CNTN4: variants seen among roughly 807,000 people sequenced by gnomAD.
CNTN4 encodes contactin 4, also known as contactin-4.
Under a neutral mutation model 122.5 loss-of-function variants are expected in CNTN4, and 77 were observed. The ratio of observed to expected loss-of-function variants is 0.63; its 90% CI spans 0.52 to 0.76. CNTN4 has a LOEUF of 0.76. Ranked by LOEUF, CNTN4 falls within the 30% of genes least tolerant of loss-of-function variation. The pLI is 0.00. For synonymous variants in CNTN4, 512 were observed against 447.0 expected, an observed-to-expected ratio of 1.15 and a Z score of -1.83; for missense variants, 1,256 against 1,259.1, an observed-to-expected ratio of 1.00 and a Z score of 0.04.
intron 6 of CNTN4, among the ~76,000 whole-genome samples, chr3:2,788,673 T>C (rs2091914721): frequency 6.6e-6 from 1 of 152,178 alleles, no homozygotes; most frequent in Non-Finnish European, 1.5e-5. Context: ...AAAAAGCATT[T>C]ATCCTCAGAG....
chr3:2,450,049 C>G (rs1437884668), intron 3 of CNTN4, among the ~76,000 whole-genome samples: 1 of 152,080 alleles, frequency 6.6e-6, no homozygotes, highest in African/African-American at 2.4e-5. Context: ...GTTAACAGTA[C>G]TGTATTGTCA....
intron 4 of CNTN4, among the ~76,000 whole-genome samples, chr3:2,653,294 A>C (rs2083447111): frequency 6.6e-6 from 1 of 152,162 alleles, no homozygotes; most frequent in African/African-American, 2.4e-5. Context: ...ATAAGTTTTA[A>C]ATTCTCTTTT....
chr3:3,020,677 C>T (rs1698214791), intron 14 of CNTN4, among the ~76,000 whole-genome samples: 1 of 152,194 alleles, frequency 6.6e-6, no homozygotes, highest in Non-Finnish European at 1.5e-5. Flanking sequence ...AAAGTTCTTC[C>T]TTCTACAGAG....
chr3:2,630,730 G>GTGTA (rs1553596987), intron 4 of CNTN4, among the ~76,000 whole-genome samples: 3 of 117,570 alleles, frequency 2.6e-5, no homozygotes, highest in South Asian at 2.6e-4. Context: ...GTGTGTGTGT[G>GTGTA]TACTATATGT....
chr3:2,716,371 A>G lies in CNTN4; in HGVS notation c.56-19844A>G, dbSNP rs138249784. Among the ~76,000 whole-genome samples the G allele has an allele frequency of 1.6e-3, 248 of 151,610 alleles. 1 individual carries two copies. The highest frequency in any genetic ancestry group is 7.1e-4 in the Non-Finnish European group (48 of 67,900). The stretch of plus-strand genomic sequence containing the variant: ...TTATTATTATGGGATTTATCTTACA[A>G]GATTGTTTTAAGGATTAAGTGAGAT... On this transcript the variant is annotated intron_variant, in intron 4 of 24. Transcript: ENST00000418658.
intron 3 of CNTN4, among the ~76,000 whole-genome samples, chr3:2,350,001 C>T (rs1219419485): frequency 6.6e-6 from 1 of 152,108 alleles, no homozygotes; most frequent in Admixed American, 6.5e-5. Context: ...TAGAGCAATC[C>T]ACCCTTGCCG....
At chr3:2,362,807 CT>C (rs927888581) in intron 3 of CNTN4, 14 of 193,988 alleles carry the variant, frequency 7.2e-5, no homozygotes, top group African/African-American at 3.3e-4. Flanking sequence ...AAAAGGGAAG[CT>C]GTGATGTTAA....
At position 2,552,507 on chromosome 3, in the gene CNTN4, A is replaced by T. The variant is rs138923927; in HGVS notation, c.-88-18909A>T. Among the ~76,000 whole-genome samples, 3 of 152,290 alleles carry T rather than the reference A, an allele frequency of 2.0e-5. No homozygotes were observed. The East Asian group carries it at 5.8e-4, about 29-fold the overall frequency. The stretch of plus-strand genomic sequence containing the variant: ...CAAAATTTAAAAACATGTGGACTCT[A>T]CCTAACCTCAGAGAGCTTGCATGCT... On this transcript the variant is annotated intron_variant, in intron 3 of 24. Transcript: ENST00000418658.
intron 2 of CNTN4, among the ~76,000 whole-genome samples, chr3:2,126,913 G>T (rs1390271817): frequency 6.6e-6 from 1 of 152,100 alleles, no homozygotes; most frequent in African/African-American, 2.4e-5. Context: ...CACAAGTGTG[G>T]CACACCTGGA....
Position 2,799,780 on chromosome 3 carries a change from C to A in CNTN4, c.359-19706C>A, listed in dbSNP as rs189525760. On this transcript the variant is annotated intron_variant, in intron 6 of 24. Coordinates refer to ENST00000418658, the MANE Select transcript of CNTN4 (RefSeq NM_175607.3). ...TGGGTACATAGTAGGTAATACTAAG[C>A]CTTTCACATAGCTCGAGTTTATTTT... Among the ~76,000 whole-genome samples, 13 of 152,134 alleles carry A rather than the reference C, an allele frequency of 8.5e-5. No individual in the cohort carries two copies. In the East Asian group the frequency reaches 2.1e-3, roughly 25 times the overall value.
At chr3:3,044,643 C>A (rs1700458046) in intron 23 of CNTN4, among the ~76,000 whole-genome samples, 1 of 152,194 alleles carries the variant, frequency 6.6e-6, no homozygotes, top group South Asian at 2.1e-4. Flanking sequence ...TCCAAGATGG[C>A]CAAATAGGAA....
At chr3:2,691,478 T>C (rs1576469235) in intron 4 of CNTN4, among the ~76,000 whole-genome samples, 2 of 152,122 alleles carry the variant, frequency 1.3e-5, no homozygotes, top group South Asian at 2.1e-4. Flanking sequence ...AGGAAGTCTG[T>C]TGTGTGGCTC....
At chr3:2,718,874 A>G (rs1256448310) in intron 4 of CNTN4, among the ~76,000 whole-genome samples, 2 of 152,182 alleles carry the variant, frequency 1.3e-5, no homozygotes, top group Admixed American at 6.5e-5. Flanking sequence ...ATGCAAAATG[A>G]TGGGCCCAAA....
intron 4 of CNTN4, among the ~76,000 whole-genome samples, chr3:2,655,379 T>C (rs2083541490): frequency 6.6e-6 from 1 of 152,222 alleles, no homozygotes; most frequent in Non-Finnish European, 1.5e-5. Context: ...ACAAGCTGCC[T>C]CCTTGGTTCT....
At chr3:2,643,302 T>G (rs1320365737) in intron 4 of CNTN4, among the ~76,000 whole-genome samples, 5 of 152,140 alleles carry the variant, frequency 3.3e-5, no homozygotes, top group Non-Finnish European at 7.4e-5. Flanking sequence ...GCCTCCAGAC[T>G]GGCTGCAACT....
At chr3:2,204,242 A>G (rs900637829) in intron 2 of CNTN4, among the ~76,000 whole-genome samples, 1 of 152,200 alleles carries the variant, frequency 6.6e-6, no homozygotes, top group Non-Finnish European at 1.5e-5. Flanking sequence ...ATTTCTTGAC[A>G]TATTCATTAC....
chr3:2,365,978 T>C (rs1323825948), intron 3 of CNTN4, among the ~76,000 whole-genome samples: 1 of 152,228 alleles, frequency 6.6e-6, no homozygotes, highest in African/African-American at 2.4e-5. Flanking sequence ...TAACTTTGCA[T>C]TGTAGACATT....
chr3:2,525,299 T>C (rs2077362159), intron 3 of CNTN4, among the ~76,000 whole-genome samples: 2 of 152,196 alleles, frequency 1.3e-5, no homozygotes, highest in South Asian at 2.1e-4. Context: ...TATAAACATG[T>C]TAGTGCTCTG....
chr3:2,506,102 G>A (rs17194490), intron 3 of CNTN4, among the ~76,000 whole-genome samples: 2 of 151,858 alleles, frequency 1.3e-5, no homozygotes, highest in African/African-American at 2.4e-5. Flanking sequence ...TTTTCCTCAT[G>A]TGGACGCCTT....
Sources: gnomAD v4.1 joint callset for allele counts (sites outside exome capture counted in the v4.1 genomes callset) on GRCh38, gnomAD v4.1.1 for gene constraint, MANE v1.5 for transcripts, NCBI Gene and HGNC (gene_info 2026-07-23, HGNC 2026-07-21) for gene names.